The following EPHB1 variants were observed in gnomAD, a reference collection of about 807,000 sequenced individuals.
The protein encoded by EPHB1 is ephrin type-B receptor 1.
A neutral mutation model predicts 94.4 loss-of-function variants in EPHB1; 30 were observed. That is an observed-to-expected ratio of 0.32 (90% confidence interval 0.24 to 0.43). The LOEUF is 0.43. Ranked by LOEUF, EPHB1 falls within the 20% of genes least tolerant of loss-of-function variation. The pLI is 1.00. For synonymous variants in EPHB1, 522 were observed against 489.1 expected, an observed-to-expected ratio of 1.07 and a Z score of -0.89; for missense variants, 1,055 against 1,308.3, an observed-to-expected ratio of 0.81 and a Z score of 2.99.
intron 3 of EPHB1, among the ~76,000 whole-genome samples, chr3:135,036,264 G>C (rs1936645115): frequency 6.6e-6 from 1 of 152,206 alleles, no homozygotes; most frequent in South Asian, 2.1e-4. Flanking sequence ...AACTACTCGG[G>C]GAGGGTGATG....
chr3:134,931,864 C>T (rs940518024), intron 2 of EPHB1, among the ~76,000 whole-genome samples: 2 of 151,360 alleles, frequency 1.3e-5, no homozygotes, highest in Admixed American at 1.3e-4. Flanking sequence ...TATATATGTG[C>T]TATGTGTCTG....
intron 1 of EPHB1, among the ~76,000 whole-genome samples, chr3:134,819,187 A>T (rs1043870711): frequency 6.6e-6 from 1 of 152,216 alleles, no homozygotes; most frequent in African/African-American, 2.4e-5. Flanking sequence ...AATGGACGTT[A>T]GGTAGGCATA....
At chr3:135,034,620 G>A (rs940755731) in intron 3 of EPHB1, among the ~76,000 whole-genome samples, 1 of 152,264 alleles carries the variant, frequency 6.6e-6, no homozygotes, top group African/African-American at 2.4e-5. Context: ...TTAGTGCCTA[G>A]ACAAGATTCG....
At chr3:134,889,177 T>C (rs1220605836) in intron 1 of EPHB1, among the ~76,000 whole-genome samples, 1 of 152,166 alleles carries the variant, frequency 6.6e-6, no homozygotes, top group Non-Finnish European at 1.5e-5. Flanking sequence ...AATCTGGTAG[T>C]GAAGACACTT....
intron 12 of EPHB1, among the ~76,000 whole-genome samples, chr3:135,213,072 T>C (rs1009922203): frequency 3.3e-5 from 5 of 152,240 alleles, no homozygotes; most frequent in African/African-American, 9.6e-5. Context: ...ACCTCGTTAA[T>C]AGCTATTAAA....
intron 3 of EPHB1, among the ~76,000 whole-genome samples, chr3:134,992,039 A>G (rs1367168650): frequency 6.6e-6 from 1 of 151,800 alleles, no homozygotes; most frequent in Non-Finnish European, 1.5e-5. Context: ...CTCAGCCCCC[A>G]CTTTTTTTTA....
chr3:135,062,332 A>G (rs1472304050), intron 3 of EPHB1, among the ~76,000 whole-genome samples: 2 of 152,116 alleles, frequency 1.3e-5, no homozygotes, highest in Admixed American at 6.6e-5. Flanking sequence ...TTCCCTGATC[A>G]CCACATCCAC....
At chr3:135,001,689 T>C (rs1576307046) in intron 3 of EPHB1, among the ~76,000 whole-genome samples, 1 of 152,158 alleles carries the variant, frequency 6.6e-6, no homozygotes, top group East Asian at 1.9e-4. Flanking sequence ...AGTTCTTCCC[T>C]TTGCTGCTGC....
intron 3 of EPHB1, among the ~76,000 whole-genome samples, chr3:135,005,688 A>G (rs187700228): frequency 4.6e-5 from 7 of 152,322 alleles, no homozygotes; most frequent in African/African-American, 1.7e-4. Context: ...CCGTCGGAAA[A>G]GCGCAGTATT....
chr3:134,859,881 T>A (rs931786619), intron 1 of EPHB1, among the ~76,000 whole-genome samples: 5 of 152,174 alleles, frequency 3.3e-5, no homozygotes, highest in African/African-American at 7.2e-5. Context: ...ATTCTCTTCA[T>A]CATTTTGTTG....
At chr3:134,909,175 T>C (rs1272176951) in intron 1 of EPHB1, among the ~76,000 whole-genome samples, 5 of 150,480 alleles carry the variant, frequency 3.3e-5, no homozygotes, top group African/African-American at 1.2e-4. Flanking sequence ...GGAAACAGAA[T>C]GCTCAGGAGG....
intron 1 of EPHB1, among the ~76,000 whole-genome samples, chr3:134,888,715 A>G (rs2037907100): frequency 6.6e-6 from 1 of 151,782 alleles, no homozygotes; most frequent in Admixed American, 6.6e-5. Flanking sequence ...TCAAAAAAAA[A>G]AAAAAAAAGA....
chr3:135,036,770 C>T (rs1936660405), intron 3 of EPHB1, among the ~76,000 whole-genome samples: 1 of 152,148 alleles, frequency 6.6e-6, no homozygotes, highest in South Asian at 2.1e-4. Context: ...CCACAGGCAG[C>T]TAGGTCAGGA....
intron 1 of EPHB1, among the ~76,000 whole-genome samples, chr3:134,798,487 A>C (rs1316792185): frequency 6.6e-6 from 1 of 152,096 alleles, no homozygotes; most frequent in Non-Finnish European, 1.5e-5. Context: ...CTTTCCCCCC[A>C]CACTCCCGCA....
At chr3:135,077,884 T>C (rs1938002260) in intron 3 of EPHB1, among the ~76,000 whole-genome samples, 1 of 152,350 alleles carries the variant, frequency 6.6e-6, no homozygotes, top group African/African-American at 2.4e-5. Flanking sequence ...ATCTTTGCCA[T>C]TGGTTTAGTT....
intron 2 of EPHB1, among the ~76,000 whole-genome samples, chr3:134,946,049 G>A (rs1578219025): frequency 1.3e-5 from 2 of 152,144 alleles, no homozygotes; most frequent in Non-Finnish European, 1.5e-5. Flanking sequence ...AGTGTTCAGG[G>A]GACACATGGC....
chr3:134,923,216 G>T (rs747965392), intron 1 of EPHB1, among the ~76,000 whole-genome samples: 6 of 152,190 alleles, frequency 3.9e-5, no homozygotes, highest in African/African-American at 1.2e-4. Flanking sequence ...AAACTCACAT[G>T]GGTAGGAAAA....
Position 134,865,610 on chromosome 3 carries a change from A to G in EPHB1, c.59-60206A>G, listed in dbSNP as rs1318692173. On this transcript the variant is annotated intron_variant, in intron 1 of 15. Coordinates refer to ENST00000398015, the MANE Select transcript of EPHB1 (RefSeq NM_004441.5). ...TGTCTATCATTATAGAATTAGTTAA[A>G]TAAAATGAAACATCAGCACAATGAA... Among the ~76,000 whole-genome samples the G allele has an allele frequency of 3.3e-5, 5 of 152,122 alleles. 1 individual carries two copies. Among genetic ancestry groups the G allele is most frequent in the Admixed American group, 2.6e-4 (4 of 15,270 alleles).
chr3:135,039,587 T>C (rs1043105032), intron 3 of EPHB1, among the ~76,000 whole-genome samples: 1 of 152,228 alleles, frequency 6.6e-6, no homozygotes, highest in African/African-American at 2.4e-5. Flanking sequence ...GGAAGGCAGC[T>C]AAGGCCCGGC....
Sources: allele counts gnomAD v4.1 joint callset (sites outside exome capture counted in the v4.1 genomes callset), GRCh38; gene constraint gnomAD v4.1.1; transcripts MANE v1.5; gene names NCBI Gene and HGNC (gene_info 2026-07-23, HGNC 2026-07-21).